The following ZFPM2 variants were observed in gnomAD, a reference collection of about 807,000 sequenced individuals.
ZFPM2 encodes zinc finger protein, FOG family member 2.
In ZFPM2, 20 loss-of-function variants were observed where a neutral mutation model predicts 98.6. The observed-to-expected ratio is 0.20, with a 90% confidence interval of 0.14 to 0.29. ZFPM2 has a LOEUF of 0.29. Ranked by LOEUF, ZFPM2 falls within the 10% of genes least tolerant of loss-of-function variation. ZFPM2 has a pLI of 1.00. For missense variants in ZFPM2, 1,310 were observed against 1,388.6 expected (o/e 0.94, Z 0.90); for synonymous variants, 518 against 502.7 (o/e 1.03, Z -0.41).
intron 3 of ZFPM2, among the ~76,000 whole-genome samples, chr8:105,544,099 G>A (rs1413277545): frequency 6.6e-6 from 1 of 151,858 alleles, no homozygotes; most frequent in African/African-American, 2.4e-5. Context: ...ATAAAACTAG[G>A]AGCCTTTAGT....
chr8:105,718,957 A>T (rs1182203902), intron 5 of ZFPM2, among the ~76,000 whole-genome samples: 2 of 151,948 alleles, frequency 1.3e-5, no homozygotes, highest in African/African-American at 4.8e-5. Flanking sequence ...ATTAAATGGC[A>T]GATTTAAGCC....
At chr8:105,431,481 A>G (rs1426108457) in intron 2 of ZFPM2, among the ~76,000 whole-genome samples, 2 of 152,204 alleles carry the variant, frequency 1.3e-5, no homozygotes, top group African/African-American at 4.8e-5. Flanking sequence ...TGTGGATACA[A>G]TGGTAAGTAA....
chr8:105,575,387 G>A (rs1220519261), intron 4 of ZFPM2, among the ~76,000 whole-genome samples: 1 of 152,092 alleles, frequency 6.6e-6, no homozygotes, highest in Non-Finnish European at 1.5e-5. Context: ...GATGATGCAG[G>A]TCTGTATCAG....
chr8:105,378,656 A>T (rs1810779879), intron 1 of ZFPM2, among the ~76,000 whole-genome samples: 1 of 152,226 alleles, frequency 6.6e-6, no homozygotes, highest in Admixed American at 6.5e-5. Flanking sequence ...TTTAATAATG[A>T]AACTACAAGA....
At chr8:105,795,903 C>A in intron 6 of ZFPM2, 3 of 326,672 alleles carry the variant, frequency 9.2e-6, no homozygotes, top group Non-Finnish European at 1.2e-5. Flanking sequence ...AGTAGGTAAG[C>A]AAAAAATTGC....
At chr8:105,536,162 A>C (rs1814446259) in intron 3 of ZFPM2, among the ~76,000 whole-genome samples, 1 of 152,316 alleles carries the variant, frequency 6.6e-6, no homozygotes, top group East Asian at 1.9e-4. Flanking sequence ...CTAAGTTCTG[A>C]AAGAATAAAA....
chr8:105,801,166 G>A lies in ZFPM2; in HGVS notation c.1084G>A (p.Ala362Thr), dbSNP rs2131176184. The A allele has an allele frequency of 6.2e-7, 1 of 1,613,940 alleles. No homozygotes were observed. The highest frequency in any genetic ancestry group is 1.7e-5 in the Admixed American group (1 of 60,014). ...QHLFSHLTQA[A>T]FRCNHCHFGF... ...CCTGTTCTCCCATCTCACTCAAGCT[G>A]CCTTCCGATGTAATCACTGCCATTT... The change falls in exon 8 of 8, where the codon GCC (alanine) becomes ACC (threonine). Residue 362 changes from alanine (A) to threonine (T), a missense_variant. Coordinates refer to ENST00000407775, the MANE Select transcript of ZFPM2 (RefSeq NM_012082.4).
chr8:105,606,417 T>G (rs1816198952), intron 4 of ZFPM2, among the ~76,000 whole-genome samples: 1 of 152,026 alleles, frequency 6.6e-6, no homozygotes, highest in African/African-American at 2.4e-5. Context: ...GCACTGGAGT[T>G]GAAATGCTTG....
At chr8:105,788,466 C>A (rs181114336) in intron 5 of ZFPM2, among the ~76,000 whole-genome samples, 3 of 152,246 alleles carry the variant, frequency 2.0e-5, no homozygotes, top group East Asian at 3.9e-4. Context: ...AAAATCTCTA[C>A]AAATTATGTT....
intron 4 of ZFPM2, among the ~76,000 whole-genome samples, chr8:105,564,786 A>G (rs1432859316): frequency 6.6e-6 from 1 of 152,052 alleles, no homozygotes; most frequent in African/African-American, 2.4e-5. Flanking sequence ...GTATGCAAAA[A>G]TTAGAAATAT....
intron 3 of ZFPM2, among the ~76,000 whole-genome samples, chr8:105,458,204 G>GCAAAGTGTTGCATGT: frequency 6.6e-6 from 1 of 152,258 alleles, no homozygotes; most frequent in Admixed American, 6.5e-5. Flanking sequence ...AAAGAAGATT[G>GCAAAGTGTTGCATGT]CAAAGTGTTG....
chr8:105,761,741 A>G (rs1812738028), intron 5 of ZFPM2, among the ~76,000 whole-genome samples: 1 of 151,998 alleles, frequency 6.6e-6, no homozygotes, highest in Admixed American at 6.6e-5. Flanking sequence ...AACTCAGAAA[A>G]CTGCAGGACA....
intron 1 of ZFPM2, among the ~76,000 whole-genome samples, chr8:105,355,594 G>A (rs1207692804): frequency 6.6e-6 from 1 of 152,096 alleles, no homozygotes; most frequent in Non-Finnish European, 1.5e-5. Flanking sequence ...AAAATTTTAA[G>A]ATGCTGTTAA....
At chr8:105,764,851 T>C (rs187022986) in intron 5 of ZFPM2, among the ~76,000 whole-genome samples, 42 of 151,950 alleles carry the variant, frequency 2.8e-4, no homozygotes, top group African/African-American at 7.9e-4. Flanking sequence ...TTGATAAGCA[T>C]TTGAAAAGAA....
chr8:105,382,573 A>G (rs1282477094), intron 1 of ZFPM2, among the ~76,000 whole-genome samples: 1 of 152,114 alleles, frequency 6.6e-6, no homozygotes, highest in East Asian at 1.9e-4. Context: ...GTTTGCATAT[A>G]TACCTACCAG....
At chr8:105,771,072 A>G (rs1184237739) in intron 5 of ZFPM2, among the ~76,000 whole-genome samples, 1 of 152,178 alleles carries the variant, frequency 6.6e-6, no homozygotes, top group Non-Finnish European at 1.5e-5. Context: ...ATGTTGAAGT[A>G]ACAGTCATAA....
chr8:105,551,902 A>C (rs1814861845), intron 3 of ZFPM2, among the ~76,000 whole-genome samples: 2 of 152,138 alleles, frequency 1.3e-5, no homozygotes, highest in South Asian at 4.1e-4. Flanking sequence ...GCACGTCTAC[A>C]AACAAACAAG....
chr8:105,713,668 G>C (rs1680286081), intron 5 of ZFPM2, among the ~76,000 whole-genome samples: 1 of 151,670 alleles, frequency 6.6e-6, no homozygotes, highest in East Asian at 1.9e-4. Context: ...AGGCATCCAG[G>C]CTGCATATGC....
intron 1 of ZFPM2, among the ~76,000 whole-genome samples, chr8:105,336,723 C>T (rs1812333816): frequency 6.6e-6 from 1 of 150,650 alleles, no homozygotes; most frequent in Admixed American, 6.6e-5. Context: ...CACACACACA[C>T]ACACACAGAC....
Sources: gnomAD v4.1 joint callset for allele counts (sites outside exome capture counted in the v4.1 genomes callset) on GRCh38, gnomAD v4.1.1 for gene constraint, MANE v1.5 for transcripts, NCBI Gene and HGNC (gene_info 2026-07-23, HGNC 2026-07-21) for gene names.